TOP3A: variants seen among roughly 807,000 people sequenced by gnomAD.
The protein encoded by TOP3A is DNA topoisomerase 3-alpha.
TOP3A carries 64 observed loss-of-function variants against 111.3 expected under a neutral mutation model. The observed-to-expected ratio is 0.57, with a 90% CI of 0.47 to 0.71. The LOEUF is 0.71. TOP3A is among the 30% of genes least tolerant of loss of function. TOP3A has a pLI of 0.00. For synonymous variants in TOP3A, 484 were observed against 485.1 expected, an observed-to-expected ratio of 1.00 and a Z score of 0.03; for missense variants, 1,104 against 1,285.0, an observed-to-expected ratio of 0.86 and a Z score of 2.15.
At chr17:18,275,124 G>A in intron 18 of TOP3A, 144 bp from the exon 19 acceptor site, 1 of 1,257,862 alleles carries the variant, frequency 8.0e-7, no homozygotes, top group Non-Finnish European at 1.1e-6. Flanking sequence ...TTCAAGATCA[G>A]CCTGGGCAAC....
intron 9 of TOP3A, among the ~76,000 whole-genome samples, chr17:18,299,249 G>C (rs554246228): frequency 1.3e-5 from 2 of 152,188 alleles, no homozygotes; most frequent in South Asian, 4.1e-4. Context: ...AACATAGTGA[G>C]ATTCCATCTC....
In TOP3A at chr17:18,277,770, T is replaced by A; in HGVS notation, c.2732A>T (p.Asp911Val). The change falls in exon 18 of 19, where the codon GAT (aspartate) becomes GTT (valine). Residue 911 changes from aspartate (D) to valine (V), a missense_variant. Asp to Val is a radical substitution (Grantham distance 152). Coordinates refer to ENST00000321105, the MANE Select transcript of TOP3A (RefSeq NM_004618.5). The stretch of plus-strand genomic sequence containing the variant: ...GAACTGGCGCCCCTTGTTGGGTCCA[T>A]CCTTCTGCACAGTCCGTGTGACGGA... ...QPSVTRTVQK[D>V]GPNKGRQFHT... The A allele has an allele frequency of 6.2e-7, 1 of 1,614,222 alleles. No homozygotes were observed. The highest frequency in any genetic ancestry group is 8.5e-7 in the Non-Finnish European group (1 of 1,180,036).
chr17:18,277,581 T>A, intron 18 of TOP3A, 94 bp downstream of exon 18: 1 of 1,446,066 alleles, frequency 6.9e-7, no homozygotes, highest in Non-Finnish European at 9.4e-7. Flanking sequence ...AATCCCACCA[T>A]GACCCTGCCT....
At chr17:18,284,828 A>G (rs146016735) in intron 15 of TOP3A, among the ~76,000 whole-genome samples, 13 of 152,352 alleles carry the variant, frequency 8.5e-5, no homozygotes, top group African/African-American at 3.1e-4. Context: ...TTCTAAAGCC[A>G]ATAGTTCAGA....
intron 9 of TOP3A, among the ~76,000 whole-genome samples, chr17:18,296,376 T>A (rs1980805606): frequency 6.6e-6 from 1 of 151,996 alleles, no homozygotes; most frequent in African/African-American, 2.4e-5. Context: ...GTTCAATAGA[T>A]TGAGACTACC....
chr17:18,282,633 T>C (rs1383877645), intron 16 of TOP3A, 65 bp downstream of exon 16: 7 of 1,600,206 alleles, frequency 4.4e-6, no homozygotes, highest in Non-Finnish European at 6.0e-6. Context: ...GCAGGGTCTT[T>C]CGAGCTACGG....
chr17:18,290,792 G>A (rs1402578658), intron 12 of TOP3A, 50 bp downstream of exon 12: 1 of 1,599,154 alleles, frequency 6.3e-7, no homozygotes, highest in Admixed American at 1.7e-5. Flanking sequence ...GAGAACTCAG[G>A]GCTCACAACA....
At chr17:18,281,652 G>T (rs1979768137) in intron 16 of TOP3A, among the ~76,000 whole-genome samples, 1 of 152,154 alleles carries the variant, frequency 6.6e-6, no homozygotes. Context: ...AGTGACGCGA[G>T]CCCTGACACC....
chr17:18,272,463 A>C lies in TOP3A; in HGVS notation c.*2339T>G, dbSNP rs115765720. ...AATAACTGAAAACAAGTCATCAGACACTCATACACCAATGTTCACAACAGT... is the reference window on the plus strand; with the variant it reads ...AATAACTGAAAACAAGTCATCAGACCCTCATACACCAATGTTCACAACAGT... On this transcript the variant is annotated 3_prime_UTR_variant, in exon 19 of 19. Transcript: ENST00000321105. 2.6e-5 allele frequency among the ~76,000 whole-genome samples: 4 copies of C among 152,216 alleles called. No individual in the cohort carries two copies. Among genetic ancestry groups the C allele is most frequent in the Admixed American group, 2.0e-4 (3 of 15,286 alleles).
At chr17:18,306,840 G>T in intron 4 of TOP3A, 51 bp downstream of exon 4, 1 of 1,219,330 alleles carries the variant, frequency 8.2e-7, no homozygotes, top group Non-Finnish European at 1.2e-6. Flanking sequence ...AAATCACTCT[G>T]TTTGACTCTG....
chr17:18,275,778 C>T (rs558972961), intron 18 of TOP3A, among the ~76,000 whole-genome samples: 44 of 151,476 alleles, frequency 2.9e-4, no homozygotes, highest in African/African-American at 9.9e-4. Context: ...CTCAGCCTCC[C>T]GAGAGTAGCT....
At position 18,292,870 on chromosome 17, in the gene TOP3A, A is replaced by G. The variant is rs1361599423; in HGVS notation, c.1074-18T>C. 1 of 1,596,542 alleles carries G rather than the reference A, an allele frequency of 6.3e-7. No individual in the cohort carries two copies. Among genetic ancestry groups the G allele is most frequent in the Admixed American group, 1.7e-5 (1 of 57,712 alleles). On this transcript the variant is annotated intron_variant, in intron 10 of 18. Coordinates refer to ENST00000321105, the MANE Select transcript of TOP3A (RefSeq NM_004618.5). ...TGATGTACCTAAAACCAAGGCAAACAAACAGAAAAAGAAATTGCTAGGCTC... is the reference window on the plus strand; with the variant it reads ...TGATGTACCTAAAACCAAGGCAAACGAACAGAAAAAGAAATTGCTAGGCTC...
intron 8 of TOP3A, 63 bp downstream of exon 8, chr17:18,301,822 G>T: frequency 7.3e-7 from 1 of 1,367,366 alleles, no homozygotes; most frequent in Non-Finnish European, 1.0e-6. Context: ...GATCACCTCT[G>T]CCGACAGTGG....
At chr17:18,287,373 A>G (rs566034600) in intron 13 of TOP3A, among the ~76,000 whole-genome samples, 10 of 152,152 alleles carry the variant, frequency 6.6e-5, no homozygotes, top group African/African-American at 2.2e-4. Flanking sequence ...CTCTACTAAA[A>G]ATACAAAAAT....
intron 7 of TOP3A, 73 bp downstream of exon 7, chr17:18,302,188 CTAT>C: frequency 6.7e-7 from 1 of 1,496,564 alleles, no homozygotes; most frequent in Non-Finnish European, 9.0e-7. Context: ...TTTATTAGTG[CTAT>C]TAATGCTCAC....
intron 17 of TOP3A, 69 bp downstream of exon 17, chr17:18,280,467 C>A: frequency 1.3e-6 from 2 of 1,557,782 alleles, no homozygotes; most frequent in Non-Finnish European, 1.7e-6. Context: ...TCTCTGGGTT[C>A]TGGCAGGAGC....
chr17:18,280,982 G>T (rs1389392859), intron 16 of TOP3A, among the ~76,000 whole-genome samples: 1 of 152,216 alleles, frequency 6.6e-6, no homozygotes, highest in Admixed American at 6.5e-5. Context: ...AGTGTCAGGG[G>T]CCCCCTCAGT....
At chr17:18,302,769 C>A (rs752520559) in intron 5 of TOP3A, 46 bp from the exon 6 acceptor site, 6 of 1,586,194 alleles carry the variant, frequency 3.8e-6, no homozygotes, top group Non-Finnish European at 4.3e-6. Flanking sequence ...AATCACACTG[C>A]CCTCCATCAT....
intron 4 of TOP3A, among the ~76,000 whole-genome samples, chr17:18,305,486 A>ACACACACACGCGCG (rs1164323613): frequency 5.4e-5 from 8 of 149,518 alleles, no homozygotes; most frequent in African/African-American, 1.2e-4. Context: ...ACACACACAC[A>ACACACACACGCGCG]CGCGCGCGCG....
Sources: allele counts gnomAD v4.1 joint callset (sites outside exome capture counted in the v4.1 genomes callset), GRCh38; gene constraint gnomAD v4.1.1; transcripts MANE v1.5; gene names NCBI Gene and HGNC (gene_info 2026-07-23, HGNC 2026-07-21).